TENM3: variants seen among roughly 807,000 people sequenced by gnomAD.
The protein encoded by TENM3 is teneurin-3.
In TENM3, 63 loss-of-function variants were observed where a neutral mutation model predicts 255.1. The ratio of observed to expected loss-of-function variants is 0.25; its 90% CI spans 0.20 to 0.30. The LOEUF is 0.30. Ranked by LOEUF, TENM3 falls within the 10% of genes least tolerant of loss-of-function variation. TENM3 has a pLI of 1.00. For synonymous variants in TENM3, 1,306 were observed against 1,322.3 expected (o/e 0.99, Z 0.27); for missense variants, 2,929 against 3,461.1 (o/e 0.85, Z 3.86).
intron 3 of TENM3, among the ~76,000 whole-genome samples, chr4:182,458,367 G>A (rs917175658): frequency 6.6e-6 from 1 of 152,156 alleles, no homozygotes; most frequent in African/African-American, 2.4e-5. Flanking sequence ...GATTATGTTT[G>A]TGTTTACTCC....
chr4:181,886,054 T>TG, the TENM3 span, among the ~76,000 whole-genome samples: 1 of 148,178 alleles, frequency 6.7e-6, no homozygotes, highest in African/African-American at 2.5e-5. Flanking sequence ...TTGGGTTTTT[T>TG]TTTTTTTTTT....
intron 3 of TENM3, among the ~76,000 whole-genome samples, chr4:182,496,270 C>A (rs1185784130): frequency 5.3e-5 from 8 of 152,094 alleles, no homozygotes. Flanking sequence ...CCCTTTTAAA[C>A]AGAGCTAATT....
chr4:181,721,517 G>A, the TENM3 span, among the ~76,000 whole-genome samples: 5 of 91,230 alleles, frequency 5.5e-5, no homozygotes, highest in East Asian at 3.9e-4. Flanking sequence ...GGAGAATGGC[G>A]TGAACCCGGG....
At chr4:182,071,540 G>C in the TENM3 span, among the ~76,000 whole-genome samples, 1 of 151,214 alleles carries the variant, frequency 6.6e-6, no homozygotes, top group Non-Finnish European at 1.5e-5. Flanking sequence ...CCATCTCCCG[G>C]GTTCAAGCAA....
At chr4:181,510,688 G>T in the TENM3 span, among the ~76,000 whole-genome samples, 2 of 152,214 alleles carry the variant, frequency 1.3e-5, no homozygotes, top group Non-Finnish European at 2.9e-5. Flanking sequence ...TTAAGAAAGA[G>T]AAAGAAGCAT....
the TENM3 span, among the ~76,000 whole-genome samples, chr4:181,843,412 G>T: frequency 6.6e-6 from 1 of 152,110 alleles, no homozygotes; most frequent in Non-Finnish European, 1.5e-5. Flanking sequence ...GGTAGCCCCT[G>T]ATATATACTA....
At chr4:182,593,902 T>C (rs1051861472) in intron 3 of TENM3, among the ~76,000 whole-genome samples, 3 of 151,680 alleles carry the variant, frequency 2.0e-5, no homozygotes, top group African/African-American at 7.3e-5. Flanking sequence ...CCCAAGGCTG[T>C]AAACCAGGGA....
At chr4:181,814,882 A>C in the TENM3 span, among the ~76,000 whole-genome samples, 1 of 152,172 alleles carries the variant, frequency 6.6e-6, no homozygotes, top group Non-Finnish European at 1.5e-5. Context: ...ACATTTAGAA[A>C]GAACAAAAGT....
At chr4:181,628,515 G>A in the TENM3 span, among the ~76,000 whole-genome samples, 1 of 152,146 alleles carries the variant, frequency 6.6e-6, no homozygotes, top group Admixed American at 6.6e-5. Flanking sequence ...TTTGTATAAG[G>A]TGTAAGGAAG....
the TENM3 span, among the ~76,000 whole-genome samples, chr4:181,681,622 T>G: frequency 6.6e-6 from 1 of 152,126 alleles, no homozygotes; most frequent in Non-Finnish European, 1.5e-5. Flanking sequence ...CCAAAAATAT[T>G]ACTTCAACCT....
intron 3 of TENM3, among the ~76,000 whole-genome samples, chr4:182,449,277 G>C (rs1410070884): frequency 7.0e-6 from 1 of 142,726 alleles, no homozygotes; most frequent in African/African-American, 2.7e-5. Flanking sequence ...GGCTCGGCGC[G>C]GGTTTGAATC....
chr4:181,504,812 A>C, the TENM3 span, among the ~76,000 whole-genome samples: 2 of 152,194 alleles, frequency 1.3e-5, no homozygotes, highest in Non-Finnish European at 2.9e-5. Flanking sequence ...ATAGTTAAGA[A>C]ATCAAGACAA....
chr4:182,056,443 C>G, the TENM3 span, among the ~76,000 whole-genome samples: 19 of 152,058 alleles, frequency 1.2e-4, no homozygotes, highest in African/African-American at 3.9e-4. Flanking sequence ...GATCATTTAT[C>G]AACAACAGAG....
At chr4:182,450,807 G>C (rs373341854) in intron 3 of TENM3, among the ~76,000 whole-genome samples, 23 of 152,306 alleles carry the variant, frequency 1.5e-4, no homozygotes, top group African/African-American at 5.3e-4. Context: ...TGCTGTATAA[G>C]AGCGTTACCT....
chr4:182,329,594 A>G (rs1763627190), intron 2 of TENM3, among the ~76,000 whole-genome samples: 1 of 152,342 alleles, frequency 6.6e-6, no homozygotes, highest in East Asian at 1.9e-4. Flanking sequence ...AGAAGCTTGT[A>G]ATGAAAATGA....
At chr4:181,702,562 A>AG in the TENM3 span, among the ~76,000 whole-genome samples, 2 of 152,198 alleles carry the variant, frequency 1.3e-5, no homozygotes, top group Non-Finnish European at 2.9e-5. Context: ...TTTGTAAAAA[A>AG]CAAATGGAGT....
intron 1 of TENM3, among the ~76,000 whole-genome samples, chr4:182,261,954 C>T (rs989597202): frequency 1.3e-5 from 2 of 152,142 alleles, no homozygotes; most frequent in African/African-American, 2.4e-5. Flanking sequence ...TTTGAGGATC[C>T]CCAAATTGCT....
chr4:181,467,262 T>C, the TENM3 span, among the ~76,000 whole-genome samples: 2,480 of 149,122 alleles, frequency 0.017, 75 homozygotes, highest in African/African-American at 0.058. Context: ...TCCCAGGTGG[T>C]AGCCGGGATT....
chr4:181,814,176 T>C, the TENM3 span, among the ~76,000 whole-genome samples: 126 of 151,932 alleles, frequency 8.3e-4, 2 homozygotes, highest in African/African-American at 3.0e-3. Context: ...AATTTGAAAA[T>C]AAGGAAAAGG....
Sources: allele counts gnomAD v4.1 joint callset (sites outside exome capture counted in the v4.1 genomes callset), GRCh38; gene constraint gnomAD v4.1.1; transcripts MANE v1.5; gene names NCBI Gene and HGNC (gene_info 2026-07-23, HGNC 2026-07-21).